TOPBP1: variants seen among roughly 807,000 people sequenced by gnomAD.
TOPBP1 encodes the protein DNA topoisomerase II binding protein 1.
Under a neutral mutation model 167.7 loss-of-function variants are expected in TOPBP1, and 28 were observed. The observed-to-expected ratio is 0.17, with a 90% confidence interval of 0.12 to 0.23. The LOEUF is 0.23. TOPBP1 is among the 10% of genes least tolerant of loss of function. The pLI is 1.00. For missense variants in TOPBP1, 1,554 were observed against 1,809.6 expected (o/e 0.86, Z 2.56); for synonymous variants, 598 against 611.4 (o/e 0.98, Z 0.32).
chr3:133,623,960 T>C (rs541758664), intron 17 of TOPBP1, 92 bp downstream of exon 17: 19 of 1,437,874 alleles, frequency 1.3e-5, no homozygotes, highest in African/African-American at 1.0e-4. Context: ...TCTAGTTCCA[T>C]TGAGAGTGAA....
At chr3:133,630,301 CTT>C (rs35595195) in intron 14 of TOPBP1, among the ~76,000 whole-genome samples, 8 of 137,568 alleles carry the variant, frequency 5.8e-5, no homozygotes, top group Non-Finnish European at 9.4e-5. Context: ...TGCCATGGAG[CTT>C]TTTTTTTTTT....
At chr3:133,648,939 G>C (rs866355638) in intron 10 of TOPBP1, among the ~76,000 whole-genome samples, 1 of 147,186 alleles carries the variant, frequency 6.8e-6, no homozygotes, top group Non-Finnish European at 1.5e-5. Context: ...TTTTATAAAG[G>C]CTTTTTTTTA....
rs201520469 is a variant in TOPBP1 at position 133,643,280 on chromosome 3, C to T, written c.1941G>A (p.Glu647=). 26 of 1,612,734 alleles carry T rather than the reference C, an allele frequency of 1.6e-5. No individual in the cohort carries two copies. The highest frequency in any genetic ancestry group is 4.0e-5 in the African/African-American group (3 of 74,852). ...ACTGGCTAAATGAAATAACACAATCCTCTAAAGGAGTCATTCCTGTCATTA... is the reference window on the plus strand; with the variant it reads ...ACTGGCTAAATGAAATAACACAATCTTCTAAAGGAGTCATTCCTGTCATTA... ...VPVMTGMTPL[E]DCVISFSQCA... is the part of the protein sequence containing the mutation. Residue 647 remains glutamate, a synonymous_variant, in exon 12 of 28, where the codon GAG becomes GAA. Coordinates refer to ENST00000260810, the MANE Select transcript of TOPBP1 (RefSeq NM_007027.4).
At chr3:133,613,835 G>C (rs1479437440) in intron 23 of TOPBP1, among the ~76,000 whole-genome samples, 5 of 149,764 alleles carry the variant, frequency 3.3e-5, no homozygotes, top group African/African-American at 1.2e-4. Context: ...ACCCAGGCTG[G>C]AGTGCAGGAG....
At position 133,601,248 on chromosome 3, in the gene TOPBP1, G is replaced by A. The variant is rs375076383; in HGVS notation, c.*2C>T. On this transcript the variant is annotated 3_prime_UTR_variant, in exon 28 of 28. Coordinates refer to ENST00000260810, the MANE Select transcript of TOPBP1 (RefSeq NM_007027.4). ...TGTTTGGTAACTAAAGGGTAGATGC[G>A]ATTAGTGTACTCTAGGTCGTTTGAT... is the stretch of plus-strand genomic sequence containing the variant. 147 of 1,593,158 alleles carry A rather than the reference G, an allele frequency of 9.2e-5. 2 individuals carry two copies. The highest frequency in any genetic ancestry group is 6.9e-4 in the African/African-American group (51 of 73,468).
chr3:133,638,331 A>G (rs927724768), intron 13 of TOPBP1, among the ~76,000 whole-genome samples, 169 bp from the exon 14 acceptor site: 2 of 152,194 alleles, frequency 1.3e-5, no homozygotes, highest in African/African-American at 4.8e-5. Context: ...TTTCATGTCA[A>G]TTCTCAGGTA....
At position 133,649,925 on chromosome 3, in the gene TOPBP1, T is replaced by C; in HGVS notation, c.1108A>G (p.Ser370Gly). 1 of 1,598,794 alleles carries C rather than the reference T, an allele frequency of 6.3e-7. No individual in the cohort carries two copies. Among genetic ancestry groups the C allele is most frequent in the Non-Finnish European group, 8.5e-7 (1 of 1,175,152 alleles). The change falls in exon 9 of 28, where the codon AGT becomes GGT. Residue 370 changes from serine (S) to glycine (G), a missense_variant. By Grantham distance (56) the Ser-to-Gly change is moderately conservative. Transcript: ENST00000260810. The part of the protein sequence containing the change: ...DGCRIYLCGF[S>G]GRKLDKLRRL... ...CTCAGTTTATCTAGCTTTCTGCCAC[T>C]AAAACCGCAAAGATATATCTGCAAG...
intron 14 of TOPBP1, among the ~76,000 whole-genome samples, chr3:133,637,132 T>C (rs901934497): frequency 3.3e-5 from 5 of 152,124 alleles, no homozygotes; most frequent in African/African-American, 1.2e-4. Flanking sequence ...TGCTTCTAAA[T>C]ACCCTACAAG....
chr3:133,615,412 G>A (rs1934836707), intron 23 of TOPBP1, among the ~76,000 whole-genome samples: 1 of 152,226 alleles, frequency 6.6e-6, no homozygotes, highest in African/African-American at 2.4e-5. Flanking sequence ...AGGAGGCAGA[G>A]GTTGCAGTGA....
chr3:133,637,262 T>C (rs914656092), intron 14 of TOPBP1, among the ~76,000 whole-genome samples: 2 of 152,190 alleles, frequency 1.3e-5, no homozygotes, highest in Admixed American at 6.5e-5. Context: ...GAAATAATGA[T>C]GAAAATCAGT....
At chr3:133,606,937 C>CAACAAACA (rs552404747) in intron 27 of TOPBP1, among the ~76,000 whole-genome samples, 16 of 151,512 alleles carry the variant, frequency 1.1e-4, no homozygotes, top group Non-Finnish European at 1.9e-4. Flanking sequence ...ACACACACAC[C>CAACAAACA]AACAAACAAA....
chr3:133,608,775 A>G, intron 26 of TOPBP1, 79 bp from the exon 27 acceptor site: 1 of 1,568,638 alleles, frequency 6.4e-7, no homozygotes, highest in Non-Finnish European at 8.6e-7. Flanking sequence ...CTTAAGGATT[A>G]CCATTTCAAA....
chr3:133,652,002 G>C (rs1204947794), intron 8 of TOPBP1, among the ~76,000 whole-genome samples: 1 of 151,958 alleles, frequency 6.6e-6, no homozygotes, highest in Non-Finnish European at 1.5e-5. Flanking sequence ...CAGGTGTAGT[G>C]GCACATGCCT....
At chr3:133,658,946 T>C in intron 3 of TOPBP1, 70 bp downstream of exon 3, 1 of 1,472,908 alleles carries the variant, frequency 6.8e-7, no homozygotes, top group Non-Finnish European at 9.0e-7. Context: ...CCGCAAAGAA[T>C]GTATGTCCAT....
chr3:133,608,760 G>A lies in TOPBP1; in HGVS notation c.4264-64C>T, dbSNP rs1279716822. 4 of 1,585,184 alleles carry A rather than the reference G, an allele frequency of 2.5e-6. No individual in the cohort carries two copies. The East Asian group carries it at 9.0e-5, about 36-fold the overall frequency. ...TTCCAAAGTAGTTCAGCTGTATAAT[G>A]TGTACTTAAGGATTACCATTTCAAA... On this transcript the variant is annotated intron_variant, in intron 26 of 27. Coordinates refer to ENST00000260810, the MANE Select transcript of TOPBP1 (RefSeq NM_007027.4).
chr3:133,645,950 C>G (rs1936061136), intron 10 of TOPBP1, among the ~76,000 whole-genome samples: 1 of 152,060 alleles, frequency 6.6e-6, no homozygotes, highest in African/African-American at 2.4e-5. Flanking sequence ...AGTTCAAGAG[C>G]AGCCTGGCCA....
chr3:133,653,405 G>C lies in TOPBP1; in HGVS notation c.862C>G (p.Pro288Ala). The C allele has an allele frequency of 6.2e-7, 1 of 1,612,846 alleles. No homozygotes were observed. Among genetic ancestry groups the C allele is most frequent in the Admixed American group, 1.7e-5 (1 of 59,788 alleles). The change falls in exon 7 of 28, where the codon CCA (proline) becomes GCA (alanine). Residue 288 changes from proline to alanine, a missense_variant. By Grantham distance (27) the Pro-to-Ala change is conservative (BLOSUM62 -1). Around this residue, in one of 3 missense-constraint regions of TOPBP1, gnomAD observed 1,197 missense variants for 1,351.5 expected, o/e 0.89. Transcript: ENST00000260810. ...GAATTGGGCATAGTCTTTGCTTCTG[G>C]TCTAGGTTCTGTCTTGTATATGGAT... is the stretch of plus-strand genomic sequence containing the variant. Reference protein sequence around the residue: ...DESIYKTEPRPEAKTMPNSST... With the variant: ...DESIYKTEPRAEAKTMPNSST...
chr3:133,652,465 G>A lies in TOPBP1; in HGVS notation c.1087C>T (p.Arg363Trp), dbSNP rs770675095. The part of the protein sequence containing the change: ...QAPEDLLDGC[R>W]IYLCGFSGRK... ...TGTATTATATAATAAAGACGTACCC[G>A]ACAACCATCTAATAAATCTTCAGGT... Residue 363 changes from arginine to tryptophan, a missense_variant and splice_region_variant, in exon 8 of 28, where the codon CGG becomes TGG. By Grantham distance (101) the Arg-to-Trp change is moderately radical. Around this residue, in one of 3 missense-constraint regions of TOPBP1, gnomAD observed 1,197 missense variants for 1,351.5 expected, o/e 0.89. Transcript: ENST00000260810. 6.8e-6 allele frequency: 11 copies of A among 1,611,266 alleles called. No homozygotes were observed. Among genetic ancestry groups the A allele is most frequent in the Non-Finnish European group, 7.6e-6 (9 of 1,179,730 alleles).
In TOPBP1 at chr3:133,638,115, C is replaced by G; in HGVS notation, c.2281G>C (p.Asp761His). The G allele has an allele frequency of 6.2e-7, 1 of 1,613,956 alleles. No homozygotes were observed. ...CGTGTGCCAGGATGCTCTGCAGTAT[C>G]TGAATTTAGATTGATTCCATTTGTT... Reference protein sequence around the residue: ...EITNGINLNSDTAEHPGTRLQ... With the variant: ...EITNGINLNSHTAEHPGTRLQ... Residue 761 changes from aspartate (D) to histidine (H), a missense_variant, in exon 14 of 28, where the codon GAT becomes CAT. Asp to His is a moderately conservative substitution (Grantham distance 81). Coordinates refer to ENST00000260810, the MANE Select transcript of TOPBP1 (RefSeq NM_007027.4).
Sources: gnomAD v4.1 joint callset for allele counts (sites outside exome capture counted in the v4.1 genomes callset) on GRCh38, gnomAD v4.1.1 for gene constraint, gnomAD v4.1.1 regional missense constraint, MANE v1.5 for transcripts, NCBI Gene and HGNC (gene_info 2026-07-23, HGNC 2026-07-21) for gene names.